The following COMMD6 variants were observed in gnomAD, a reference collection of about 807,000 sequenced individuals.
COMMD6 encodes the protein COMM domain containing 6.
COMMD6 carries 11 observed loss-of-function variants against 13.4 expected under a neutral mutation model. That is an observed-to-expected ratio of 0.82 (90% CI 0.52 to 1.36). The LOEUF (loss-of-function observed/expected upper bound fraction) is 1.36, where lower values mean the gene tolerates loss of function less well. Among genes scored for constraint, COMMD6 ranks in the 40% most tolerant of loss-of-function variants. The pLI is 0.00. For missense variants in COMMD6, 124 were observed against 102.4 expected (o/e 1.21, Z -0.91); for synonymous variants, 43 against 36.5 (o/e 1.18, Z -0.64).
chr13:75,544,829 G>A (rs761981001), intron 1 of COMMD6, among the ~76,000 whole-genome samples: 89 of 149,272 alleles, frequency 6.0e-4, no homozygotes, highest in Non-Finnish European at 1.2e-3. Context: ...GGGAGGCTGA[G>A]GCACTAGAAT....
intron 1 of COMMD6, among the ~76,000 whole-genome samples, chr13:75,544,186 C>T (rs756684269): frequency 3.3e-5 from 5 of 152,154 alleles, no homozygotes; most frequent in Non-Finnish European, 7.3e-5. Flanking sequence ...AGCATGATCA[C>T]TAATCCTATA....
intron 2 of COMMD6, among the ~76,000 whole-genome samples, chr13:75,535,851 T>C (rs2138421926): frequency 6.6e-6 from 1 of 152,326 alleles, no homozygotes; most frequent in African/African-American, 2.4e-5. Context: ...CATAAAACTT[T>C]TAAATATCTT....
At chr13:75,545,780 T>C (rs2030896877) in intron 1 of COMMD6, among the ~76,000 whole-genome samples, 1 of 152,118 alleles carries the variant, frequency 6.6e-6, no homozygotes, top group Non-Finnish European at 1.5e-5. Flanking sequence ...CTCAGATGGC[T>C]TCTTAAAGTG....
intron 1 of COMMD6, among the ~76,000 whole-genome samples, chr13:75,545,534 G>A (rs898245488): frequency 6.6e-6 from 1 of 151,428 alleles, no homozygotes; most frequent in Non-Finnish European, 1.5e-5. Context: ...TGGCGGTGGC[G>A]CTATCTCTGC....
chr13:75,531,982 T>C (rs527910273), intron 2 of COMMD6, among the ~76,000 whole-genome samples: 6 of 152,218 alleles, frequency 3.9e-5, no homozygotes, highest in Non-Finnish European at 8.8e-5. Flanking sequence ...ATAAATGAAA[T>C]GCTATACAGC....
intron 1 of COMMD6, among the ~76,000 whole-genome samples, chr13:75,549,048 G>A (rs1390511767): frequency 2.0e-5 from 3 of 152,036 alleles, no homozygotes; most frequent in Non-Finnish European, 4.4e-5. Context: ...GAAGACTTCT[G>A]GACACTCTCT....
chr13:75,547,031 C>A (rs1035626354), intron 1 of COMMD6, among the ~76,000 whole-genome samples: 3 of 152,070 alleles, frequency 2.0e-5, no homozygotes, highest in Non-Finnish European at 4.4e-5. Flanking sequence ...GATTCATTAG[C>A]ATTGAACTAC....
At chr13:75,547,997 C>T (rs1374117129) in intron 1 of COMMD6, among the ~76,000 whole-genome samples, 1 of 152,268 alleles carries the variant, frequency 6.6e-6, no homozygotes, top group African/African-American at 2.4e-5. Context: ...TGCAAACTGT[C>T]TTGCTGTCCG....
At chr13:75,530,730 C>T (rs942262086) in intron 2 of COMMD6, among the ~76,000 whole-genome samples, 1 of 152,172 alleles carries the variant, frequency 6.6e-6, no homozygotes, top group African/African-American at 2.4e-5. Flanking sequence ...GTATTACATA[C>T]CTCACTGAAT....
chr13:75,536,796 A>G (rs924639171), intron 2 of COMMD6, among the ~76,000 whole-genome samples: 2 of 152,230 alleles, frequency 1.3e-5, no homozygotes, highest in Non-Finnish European at 2.9e-5. Context: ...CAACTTTAAA[A>G]ACCCCATAAT....
chr13:75,530,283 C>A lies in COMMD6; in HGVS notation c.55-17G>T. On this transcript the variant is annotated splice_polypyrimidine_tract_variant and intron_variant, in intron 2 of 3. Transcript: ENST00000682242. ...ATCTACAAGCTTTAATAAGACAGGACAAAATAATACATTAGTAGTAACATT... is the reference window on the plus strand; with the variant it reads ...ATCTACAAGCTTTAATAAGACAGGAAAAAATAATACATTAGTAGTAACATT... The A allele has an allele frequency of 6.3e-7, 1 of 1,584,848 alleles. No individual in the cohort carries two copies. Among genetic ancestry groups the A allele is most frequent in the Non-Finnish European group, 8.6e-7 (1 of 1,162,166 alleles).
intron 1 of COMMD6, among the ~76,000 whole-genome samples, chr13:75,548,974 T>C (rs1198358412): frequency 6.6e-6 from 1 of 152,198 alleles, no homozygotes; most frequent in Non-Finnish European, 1.5e-5. Context: ...CACAGCACCT[T>C]CCTCTCTGCC....
upstream of COMMD6, among the ~76,000 whole-genome samples, chr13:75,540,128 GCCCAGCTA>G (rs1427170648): frequency 6.6e-6 from 1 of 151,950 alleles, no homozygotes; most frequent in Non-Finnish European, 1.5e-5. Flanking sequence ...ATGCCACCAT[GCCCAGCTA>G]TTTTTTTGTA....
At chr13:75,537,262 A>G in intron 2 of COMMD6, 1 of 1,437,714 alleles carries the variant, frequency 7.0e-7, no homozygotes, top group Middle Eastern at 2.1e-4. Flanking sequence ...TTATAAATGC[A>G]TACTCTAAAA....
At chr13:75,527,985 A>G (rs1052434591) in intron 3 of COMMD6, 3 of 961,076 alleles carry the variant, frequency 3.1e-6, no homozygotes, top group Non-Finnish European at 4.2e-6. Flanking sequence ...GCTAAAAAAC[A>G]TTTTACATGC....
upstream of COMMD6, chr13:75,549,436 G>A (rs1311762829): frequency 4.0e-6 from 1 of 251,192 alleles, no homozygotes; most frequent in African/African-American, 2.2e-5. Context: ...GACACTGCAA[G>A]AATGGGAAGG....
chr13:75,545,955 T>A (rs914645360), intron 1 of COMMD6, among the ~76,000 whole-genome samples: 4 of 152,228 alleles, frequency 2.6e-5, no homozygotes, highest in Admixed American at 6.5e-5. Context: ...TAGTCAATAA[T>A]AATTGTACAT....
At chr13:75,527,809 T>C in intron 3 of COMMD6, 1 of 1,497,454 alleles carries the variant, frequency 6.7e-7, no homozygotes, top group Non-Finnish European at 9.0e-7. Context: ...AAAGTCAAAC[T>C]CACAGAAGCA....
At chr13:75,537,944 C>A, upstream of COMMD6, 1 of 805,696 alleles carries the variant, frequency 1.2e-6, no homozygotes, top group Admixed American at 2.7e-5. Flanking sequence ...CTTTATGTGA[C>A]TCATATTTTT....
Sources: allele counts gnomAD v4.1 joint callset (sites outside exome capture counted in the v4.1 genomes callset), GRCh38; gene constraint gnomAD v4.1.1; transcripts MANE v1.5; gene names NCBI Gene and HGNC (gene_info 2026-07-23, HGNC 2026-07-21).